Variants in CNBD1 observed in about 807,000 individuals in gnomAD.
CNBD1 encodes the protein cyclic nucleotide-binding domain-containing protein 1.
In CNBD1, 71 loss-of-function variants were observed where a neutral mutation model predicts 54.4. The observed-to-expected ratio is 1.30, with a 90% CI of 1.08 to 1.59. The LOEUF (loss-of-function observed/expected upper bound fraction) is 1.59. Ranked by LOEUF, CNBD1 falls within the 40% of genes most tolerant of loss-of-function variation. CNBD1 has a pLI of 0.00. For missense variants in CNBD1, 659 were observed against 518.0 expected (o/e 1.27, Z -2.64); for synonymous variants, 182 against 170.7 (o/e 1.07, Z -0.51).
At chr8:87,255,716 C>T (rs1021525332) in intron 6 of CNBD1, among the ~76,000 whole-genome samples, 1 of 151,494 alleles carries the variant, frequency 6.6e-6, no homozygotes, top group Non-Finnish European at 1.5e-5. Context: ...AACTGCCTAA[C>T]TTCCAACATT....
chr8:86,868,758 C>A (rs570747314), intron 1 of CNBD1, among the ~76,000 whole-genome samples: 1 of 152,090 alleles, frequency 6.6e-6, no homozygotes, highest in Non-Finnish European at 1.5e-5. Context: ...ACAGAATTAA[C>A]GGTCCCAGTG....
At chr8:87,321,430 G>A (rs144271641) in intron 8 of CNBD1, among the ~76,000 whole-genome samples, 1 of 152,174 alleles carries the variant, frequency 6.6e-6, no homozygotes, top group Non-Finnish European at 1.5e-5. Flanking sequence ...TTTGATTTGT[G>A]TTTGTGTAAT....
At chr8:87,273,724 G>A (rs886968029) in intron 6 of CNBD1, among the ~76,000 whole-genome samples, 10 of 151,914 alleles carry the variant, frequency 6.6e-5, no homozygotes, top group Non-Finnish European at 1.2e-4. Context: ...AGTAGTAAGT[G>A]TATAGCTCTT....
At chr8:87,322,810 T>A (rs1025131382) in intron 8 of CNBD1, among the ~76,000 whole-genome samples, 1 of 102,118 alleles carries the variant, frequency 9.8e-6, no homozygotes, top group African/African-American at 3.8e-5. Flanking sequence ...TTAGTTTAAT[T>A]AGATCCCATT....
Position 87,367,815 on chromosome 8 carries a change from G to C in CNBD1, c.1303+14029G>C, listed in dbSNP as rs1009215030. ...TTCTGTGGTTGACTGAATTGGGTTTGTTACTCATTGGGATGAGAGAGAACT... is the reference window on the plus strand; with the variant it reads ...TTCTGTGGTTGACTGAATTGGGTTTCTTACTCATTGGGATGAGAGAGAACT... On this transcript the variant is annotated intron_variant, in intron 10 of 10. Coordinates refer to ENST00000518476, the MANE Select transcript of CNBD1 (RefSeq NM_173538.3). Among the ~76,000 whole-genome samples, 56 of 152,062 alleles carry C rather than the reference G, an allele frequency of 3.7e-4. 1 individual carries two copies. The highest frequency in any genetic ancestry group is 3.7e-3 in the Admixed American group (56 of 15,236).
intron 4 of CNBD1, among the ~76,000 whole-genome samples, chr8:87,134,533 T>C (rs763730385): frequency 6.6e-6 from 1 of 151,870 alleles, no homozygotes; most frequent in Non-Finnish European, 1.5e-5. Flanking sequence ...CTTTTTTAAT[T>C]GTTCAGAACT....
intron 5 of CNBD1, among the ~76,000 whole-genome samples, chr8:87,210,642 A>G (rs1172222370): frequency 2.6e-5 from 4 of 152,178 alleles, no homozygotes; most frequent in South Asian, 4.1e-4. Context: ...GGAGGGTACA[A>G]GCCATAAGCT....
At chr8:87,094,614 G>A (rs1811282003) in intron 4 of CNBD1, among the ~76,000 whole-genome samples, 1 of 151,982 alleles carries the variant, frequency 6.6e-6, no homozygotes, top group South Asian at 2.1e-4. Context: ...TAGATGATCT[G>A]GTTCCACTGC....
intron 1 of CNBD1, among the ~76,000 whole-genome samples, chr8:86,873,896 T>C (rs1808477907): frequency 2.0e-5 from 3 of 152,178 alleles, no homozygotes; most frequent in Non-Finnish European, 1.5e-5. Context: ...GTCATCCCCA[T>C]ATTTCAGTGT....
At chr8:87,391,691 G>T (rs1811313361) in intron 2 of CNBD1, among the ~76,000 whole-genome samples, 1 of 151,944 alleles carries the variant, frequency 6.6e-6, no homozygotes, top group Non-Finnish European at 1.5e-5. Flanking sequence ...CTCTAAATGG[G>T]TCGTAGAGAT....
At chr8:87,279,362 A>C (rs1402820941) in intron 6 of CNBD1, among the ~76,000 whole-genome samples, 3 of 151,534 alleles carry the variant, frequency 2.0e-5, no homozygotes, top group Non-Finnish European at 4.4e-5. Context: ...TGACACAAAG[A>C]AATAGAAAAA....
At chr8:87,418,580 A>G (rs772746289) in intron 2 of CNBD1, among the ~76,000 whole-genome samples, 1 of 151,962 alleles carries the variant, frequency 6.6e-6, no homozygotes, top group Non-Finnish European at 1.5e-5. Flanking sequence ...GATGACCTAC[A>G]AAAAAGGAAA....
intron 2 of CNBD1, among the ~76,000 whole-genome samples, chr8:86,890,454 A>C (rs896706578): frequency 1.3e-5 from 2 of 152,166 alleles, no homozygotes; most frequent in Non-Finnish European, 1.5e-5. Flanking sequence ...TCCACTGTGC[A>C]TAAGTACCAC....
intron 4 of CNBD1, among the ~76,000 whole-genome samples, chr8:87,149,514 A>C (rs528549157): frequency 6.6e-6 from 1 of 152,198 alleles, no homozygotes; most frequent in East Asian, 1.9e-4. Context: ...ATCCAAGGGT[A>C]GAATATCCAT....
chr8:87,199,864 T>C (rs989824973), intron 4 of CNBD1, among the ~76,000 whole-genome samples: 4 of 152,104 alleles, frequency 2.6e-5, no homozygotes, highest in Admixed American at 2.6e-4. Flanking sequence ...TTAATGTAAA[T>C]AACACTTATA....
chr8:87,364,213 A>G (rs1810588649), intron 10 of CNBD1, among the ~76,000 whole-genome samples: 1 of 151,492 alleles, frequency 6.6e-6, no homozygotes, highest in Admixed American at 6.6e-5. Flanking sequence ...TATCACATAT[A>G]TTTATAAGTA....
At position 86,978,838 on chromosome 8, in the gene CNBD1, A is replaced by G. The variant is rs147875781; in HGVS notation, c.431+39084A>G. Among the ~76,000 whole-genome samples the G allele has an allele frequency of 3.3e-5, 5 of 152,216 alleles. No homozygotes were observed. The East Asian group carries it at 7.7e-4, about 24-fold the overall frequency. Reference sequence around the variant, plus strand: ...CGTGACCCACCATCTCCAGCTGGACATGCTTTATATTTTAATAACTGATTA... The same window carrying G: ...CGTGACCCACCATCTCCAGCTGGACGTGCTTTATATTTTAATAACTGATTA... On this transcript the variant is annotated intron_variant, in intron 4 of 10. Coordinates refer to ENST00000518476, the MANE Select transcript of CNBD1 (RefSeq NM_173538.3).
chr8:86,874,269 T>G (rs1184104673), intron 1 of CNBD1, among the ~76,000 whole-genome samples: 1 of 152,222 alleles, frequency 6.6e-6, no homozygotes, highest in African/African-American at 2.4e-5. Flanking sequence ...TTTCATGACC[T>G]TGATACTGGG....
intron 6 of CNBD1, among the ~76,000 whole-genome samples, chr8:87,253,290 G>A (rs904181210): frequency 4.6e-5 from 7 of 152,120 alleles, no homozygotes; most frequent in African/African-American, 1.4e-4. Flanking sequence ...GAGTCAGCCC[G>A]GGGAGAGAGG....
Sources: allele counts gnomAD v4.1 joint callset (sites outside exome capture counted in the v4.1 genomes callset), GRCh38; gene constraint gnomAD v4.1.1; transcripts MANE v1.5; gene names NCBI Gene and HGNC (gene_info 2026-07-23, HGNC 2026-07-21).